Variants in COL4A4 observed in about 807,000 individuals in gnomAD.
The protein encoded by COL4A4 is collagen type IV alpha 4 chain, also known as collagen alpha-4(IV) chain.
Under a neutral mutation model 192.9 loss-of-function variants are expected in COL4A4, and 105 were observed. That is an observed-to-expected ratio of 0.54 (90% confidence interval 0.46 to 0.64). The LOEUF (loss-of-function observed/expected upper bound fraction) is 0.64, where lower values mean the gene tolerates loss of function less well. Ranked by LOEUF, COL4A4 falls within the 30% of genes least tolerant of loss-of-function variation. The pLI, the probability that COL4A4 is intolerant of heterozygous loss-of-function variation, is 0.00. For missense variants in COL4A4, 1,967 were observed against 2,169.3 expected (o/e 0.91, Z 1.85); for synonymous variants, 762 against 769.9 (o/e 0.99, Z 0.17).
At chr2:227,154,737 T>A (rs2064204755) in intron 1 of COL4A4, among the ~76,000 whole-genome samples, 1 of 152,224 alleles carries the variant, frequency 6.6e-6, no homozygotes, top group South Asian at 2.1e-4. Context: ...TGTAGAGAAA[T>A]AAGCAGAGGA....
chr2:227,128,273 C>T (rs113587717), intron 4 of COL4A4, among the ~76,000 whole-genome samples: 6 of 152,184 alleles, frequency 3.9e-5, no homozygotes, highest in African/African-American at 1.4e-4. Flanking sequence ...CCCGGAGTGA[C>T]GTTTCAATCC....
intron 25 of COL4A4, among the ~76,000 whole-genome samples, chr2:227,067,907 C>A: frequency 7.3e-6 from 1 of 137,516 alleles, no homozygotes; most frequent in Admixed American, 7.5e-5. Context: ...AAAAACCCTT[C>A]AAAAAATTAA....
At chr2:227,111,595 A>C (rs375639478) in intron 9 of COL4A4, 83 bp downstream of exon 9, 1 of 1,437,910 alleles carries the variant, frequency 7.0e-7, no homozygotes, top group African/African-American at 1.4e-5. Flanking sequence ...CAAATTATGT[A>C]GCTGGCTTTG....
chr2:227,125,843 C>G (rs1392102662), intron 4 of COL4A4, among the ~76,000 whole-genome samples: 1 of 152,162 alleles, frequency 6.6e-6, no homozygotes, highest in African/African-American at 2.4e-5. Context: ...CTATCATACC[C>G]TCTTCACTTG....
chr2:227,098,765 T>C lies in COL4A4; in HGVS notation c.1133A>G (p.Tyr378Cys), dbSNP rs1576486442. ...PPGDPGFPGR[Y>C]GETGDVGPPG... Reference sequence around the variant, plus strand: ...TGGTCCAACATCCCCTGTTTCTCCATAGCGGCCAGGGAACCCTGGGTCCCC... The same window carrying C: ...TGGTCCAACATCCCCTGTTTCTCCACAGCGGCCAGGGAACCCTGGGTCCCC... The change falls in exon 19 of 48, where the codon TAT (tyrosine) becomes TGT (cysteine). Residue 378 changes from tyrosine (Y) to cysteine (C), a missense_variant. Physicochemically the swap from Tyr to Cys is radical, Grantham distance 194. Coordinates refer to ENST00000396625, the MANE Select transcript of COL4A4 (RefSeq NM_000092.5). 2.5e-6 allele frequency: 4 copies of C among 1,614,030 alleles called. No individual in the cohort carries two copies. Among genetic ancestry groups the C allele is most frequent in the East Asian group, 4.5e-5 (2 of 44,880 alleles).
chr2:227,073,504 A>G (rs1326861850), intron 25 of COL4A4, among the ~76,000 whole-genome samples: 1 of 152,138 alleles, frequency 6.6e-6, no homozygotes, highest in Non-Finnish European at 1.5e-5. Flanking sequence ...AATTCCCATC[A>G]AAATATGCAC....
chr2:227,078,703 G>A (rs1328719381), intron 24 of COL4A4, among the ~76,000 whole-genome samples: 1 of 152,208 alleles, frequency 6.6e-6, no homozygotes, highest in Non-Finnish European at 1.5e-5. Context: ...AGTAGATCAA[G>A]GGAGGTGGTG....
At chr2:227,056,714 G>A (rs1025444918) in intron 29 of COL4A4, among the ~76,000 whole-genome samples, 7 of 152,210 alleles carry the variant, frequency 4.6e-5, no homozygotes, top group Non-Finnish European at 1.0e-4. Context: ...TCACCAATGT[G>A]ATAGTATTAA....
chr2:227,145,033 T>C (rs1218597065), intron 2 of COL4A4, among the ~76,000 whole-genome samples: 2 of 152,074 alleles, frequency 1.3e-5, no homozygotes, highest in East Asian at 3.9e-4. Flanking sequence ...AAAAAGGAAA[T>C]AATATGGAAT....
chr2:227,029,001 G>C (rs1253823676), intron 41 of COL4A4, among the ~76,000 whole-genome samples: 1 of 152,108 alleles, frequency 6.6e-6, no homozygotes, highest in African/African-American at 2.4e-5. Context: ...ACTTAAATTT[G>C]TTCACTGCTA....
At chr2:227,137,121 C>A (rs935684051) in intron 4 of COL4A4, among the ~76,000 whole-genome samples, 7 of 152,204 alleles carry the variant, frequency 4.6e-5, no homozygotes, top group Non-Finnish European at 1.0e-4. Flanking sequence ...CACGCAGACA[C>A]AAAGACACAC....
intron 3 of COL4A4, among the ~76,000 whole-genome samples, chr2:227,141,920 C>T (rs993796554): frequency 1.3e-4 from 19 of 151,748 alleles, no homozygotes; most frequent in Non-Finnish European, 1.6e-4. Context: ...ACTATGTGTT[C>T]GCTGAAATAT....
intron 29 of COL4A4, among the ~76,000 whole-genome samples, chr2:227,056,436 C>G (rs1455676446): frequency 6.6e-6 from 1 of 152,000 alleles, no homozygotes; most frequent in Admixed American, 6.5e-5. Context: ...TAGAAGAAAA[C>G]TTTCCAGGTT....
intron 41 of COL4A4, among the ~76,000 whole-genome samples, chr2:227,029,774 T>A (rs1218276347): frequency 6.6e-6 from 1 of 152,214 alleles, no homozygotes; most frequent in Non-Finnish European, 1.5e-5. Context: ...TGGATAAAAA[T>A]TGATTAAAAT....
intron 47 of COL4A4, 68 bp from the exon 48 acceptor site, chr2:227,007,656 A>T (rs1962456996): frequency 6.3e-7 from 1 of 1,597,854 alleles, no homozygotes; most frequent in Non-Finnish European, 8.6e-7. Context: ...AATCAGGGAC[A>T]CACCCAGGTT....
the COL4A4 span, among the ~76,000 whole-genome samples, chr2:226,993,867 A>G: frequency 6.6e-6 from 1 of 152,256 alleles, no homozygotes. Context: ...TGGTTTTAAC[A>G]GTTGCCATGT....
chr2:227,130,789 G>C (rs1576739381), intron 4 of COL4A4, among the ~76,000 whole-genome samples: 1 of 152,236 alleles, frequency 6.6e-6, no homozygotes, highest in Non-Finnish European at 1.5e-5. Context: ...TCCTGAGCGG[G>C]CACCACTGTC....
At chr2:227,093,480 T>C (rs905934771) in intron 20 of COL4A4, among the ~76,000 whole-genome samples, 1 of 152,122 alleles carries the variant, frequency 6.6e-6, no homozygotes. Context: ...TTTCAGACTT[T>C]GGCGTTTCTG....
At chr2:227,105,787 A>G (rs540123218) in intron 12 of COL4A4, among the ~76,000 whole-genome samples, 3 of 152,272 alleles carry the variant, frequency 2.0e-5, no homozygotes, top group African/African-American at 7.2e-5. Flanking sequence ...CCAGGCCCTT[A>G]CTGGCTCTGT....
Sources: allele counts gnomAD v4.1 joint callset (sites outside exome capture counted in the v4.1 genomes callset), GRCh38; gene constraint gnomAD v4.1.1; transcripts MANE v1.5; gene names NCBI Gene and HGNC (gene_info 2026-07-23, HGNC 2026-07-21).